Variants in UNC5C observed in about 807,000 individuals in gnomAD.
UNC5C encodes the protein netrin receptor UNC5C.
A neutral mutation model predicts 99.8 loss-of-function variants in UNC5C; 47 were observed. The ratio of observed to expected loss-of-function variants is 0.47; its 90% CI spans 0.37 to 0.60. The LOEUF is 0.60. UNC5C is among the 20% of genes least tolerant of loss of function. The probability of loss-of-function intolerance (pLI) is 0.00; values close to 1 mark genes in which losing one functional copy is unlikely to be tolerated. For missense variants in UNC5C, 1,062 were observed against 1,165.9 expected (o/e 0.91, Z 1.30); for synonymous variants, 487 against 452.2 (o/e 1.08, Z -0.98).
At chr4:95,348,043 G>T (rs1586167) in intron 1 of UNC5C, among the ~76,000 whole-genome samples, 23,253 of 151,978 alleles carry the variant, frequency 0.15, 2,027 homozygotes, top group Admixed American at 0.2. Context: ...AAGAGATAGG[G>T]AGCTCAAACT....
chr4:95,339,151 C>T (rs1425116809), intron 1 of UNC5C, among the ~76,000 whole-genome samples: 2 of 152,000 alleles, frequency 1.3e-5, no homozygotes, highest in African/African-American at 2.4e-5. Context: ...TAAAGGAAAA[C>T]ACAATTGTTC....
At chr4:95,187,998 A>C (rs568943525) in intron 12 of UNC5C, among the ~76,000 whole-genome samples, 1 of 152,332 alleles carries the variant, frequency 6.6e-6, no homozygotes, top group African/African-American at 2.4e-5. Flanking sequence ...CATATTTATA[A>C]ATTACATATC....
intron 3 of UNC5C, among the ~76,000 whole-genome samples, chr4:95,288,053 C>T (rs1741299086): frequency 1.1e-5 from 1 of 95,032 alleles, no homozygotes; most frequent in Non-Finnish European, 2.2e-5. Flanking sequence ...CCAACCCCCT[C>T]ACTTTACAGA....
chr4:95,438,882 G>A (rs1203528316), intron 1 of UNC5C, among the ~76,000 whole-genome samples: 1 of 152,078 alleles, frequency 6.6e-6, no homozygotes, highest in Non-Finnish European at 1.5e-5. Flanking sequence ...CCAGAAATGA[G>A]CCTCTAGATA....
intron 10 of UNC5C, among the ~76,000 whole-genome samples, chr4:95,208,740 T>G (rs1237499882): frequency 3.9e-5 from 6 of 152,204 alleles, no homozygotes; most frequent in Non-Finnish European, 5.9e-5. Context: ...ATGGACATTG[T>G]TTGGTTCACA....
intron 1 of UNC5C, among the ~76,000 whole-genome samples, chr4:95,453,104 C>A (rs897729202): frequency 6.6e-6 from 1 of 152,106 alleles, no homozygotes; most frequent in African/African-American, 2.4e-5. Context: ...AGGCCGTCAT[C>A]TAACTAGTTA....
At chr4:95,287,370 C>A (rs912263886) in intron 3 of UNC5C, among the ~76,000 whole-genome samples, 1 of 152,176 alleles carries the variant, frequency 6.6e-6, no homozygotes, top group African/African-American at 2.4e-5. Flanking sequence ...ACTTTGCAGT[C>A]ATTTCTGTAA....
chr4:95,483,772 T>C (rs2149478972), intron 1 of UNC5C, among the ~76,000 whole-genome samples: 1 of 151,838 alleles, frequency 6.6e-6, no homozygotes, highest in Non-Finnish European at 1.5e-5. Flanking sequence ...TGGATCCCAT[T>C]AAGCAGGACA....
chr4:95,235,333 TG>T (rs1739069764), intron 7 of UNC5C, among the ~76,000 whole-genome samples: 1 of 152,204 alleles, frequency 6.6e-6, no homozygotes, highest in African/African-American at 2.4e-5. Context: ...TAGGGTTGTT[TG>T]TTTTTTTCTT....
chr4:95,248,475 G>A (rs2149381102), intron 5 of UNC5C: 3 of 449,356 alleles, frequency 6.7e-6, no homozygotes, highest in South Asian at 3.2e-5. Context: ...ACTTCCCCGT[G>A]GTCTCAACTT....
chr4:95,392,133 T>C (rs1009177704), intron 1 of UNC5C, among the ~76,000 whole-genome samples: 1 of 152,196 alleles, frequency 6.6e-6, no homozygotes, highest in African/African-American at 2.4e-5. Flanking sequence ...CAGAAATGTA[T>C]CTTTAAGCCC....
intron 1 of UNC5C, among the ~76,000 whole-genome samples, chr4:95,384,730 G>T (rs1271361640): frequency 6.6e-6 from 1 of 152,128 alleles, no homozygotes; most frequent in Non-Finnish European, 1.5e-5. Context: ...GGATTGGAGG[G>T]ATAGAAGACA....
At chr4:95,440,713 A>G (rs1406806379) in intron 1 of UNC5C, among the ~76,000 whole-genome samples, 2 of 152,166 alleles carry the variant, frequency 1.3e-5, no homozygotes, top group African/African-American at 4.8e-5. Flanking sequence ...AAAAGGAGGG[A>G]AGATTCCTGG....
intron 4 of UNC5C, among the ~76,000 whole-genome samples, chr4:95,253,245 C>T (rs2149383010): frequency 6.6e-6 from 1 of 152,190 alleles, no homozygotes; most frequent in East Asian, 1.9e-4. Context: ...ACGGTTCCTC[C>T]TATGTAAATG....
At chr4:95,483,495 A>G (rs567094669) in intron 1 of UNC5C, among the ~76,000 whole-genome samples, 126 of 151,978 alleles carry the variant, frequency 8.3e-4, no homozygotes, top group African/African-American at 2.9e-3. Context: ...TTTTGTATAT[A>G]AAATGGCATT....
intron 4 of UNC5C, among the ~76,000 whole-genome samples, chr4:95,274,578 C>G (rs535816962): frequency 1.4e-4 from 21 of 151,814 alleles, no homozygotes; most frequent in Admixed American, 1.4e-3. Context: ...TCTTCCTCCT[C>G]TGAGACTTAC....
chr4:95,422,042 C>T (rs979022301), intron 1 of UNC5C, among the ~76,000 whole-genome samples: 1 of 152,090 alleles, frequency 6.6e-6, no homozygotes, highest in Non-Finnish European at 1.5e-5. Flanking sequence ...CTGACTGGTC[C>T]CAAGACAGCA....
chr4:95,342,377 G>A (rs1212252120), intron 1 of UNC5C, among the ~76,000 whole-genome samples: 3 of 152,066 alleles, frequency 2.0e-5, no homozygotes, highest in Non-Finnish European at 4.4e-5. Context: ...CTAGGCCATA[G>A]TTCCCAGGCT....
At chr4:95,178,067 T>TGTGAA (rs897772475) in intron 14 of UNC5C, among the ~76,000 whole-genome samples, 31 of 152,274 alleles carry the variant, frequency 2.0e-4, no homozygotes, top group African/African-American at 7.2e-4. Context: ...AAGGTGACCA[T>TGTGAA]GTGAAGTGCA....
Sources: gnomAD v4.1 joint callset for allele counts (sites outside exome capture counted in the v4.1 genomes callset) on GRCh38, gnomAD v4.1.1 for gene constraint, MANE v1.5 for transcripts, NCBI Gene and HGNC (gene_info 2026-07-23, HGNC 2026-07-21) for gene names.